Variants in CDH12 observed in about 807,000 individuals in gnomAD.
CDH12 encodes the protein cadherin-12.
A neutral mutation model predicts 74.1 loss-of-function variants in CDH12; 41 were observed. The ratio of observed to expected loss-of-function variants is 0.55; its 90% CI spans 0.43 to 0.72. The LOEUF (loss-of-function observed/expected upper bound fraction) is 0.72. Among genes scored for constraint, CDH12 ranks in the 30% least tolerant of loss-of-function variants. The probability of loss-of-function intolerance (pLI) is 0.00; values close to 1 mark genes in which losing one functional copy is unlikely to be tolerated. For synonymous variants in CDH12, 399 were observed against 355.0 expected (o/e 1.12, Z -1.39); for missense variants, 945 against 977.2 (o/e 0.97, Z 0.44).
Position 22,079,899 on chromosome 5 carries a change from GA to G in CDH12, c.-186-1038del, listed in dbSNP as rs35956037. 5.8e-4 allele frequency among the ~76,000 whole-genome samples: 84 copies of G among 145,752 alleles called. No homozygotes were observed. The East Asian group carries it at 6.7e-3, about 12-fold the overall frequency. On this transcript the variant is annotated intron_variant, in intron 4 of 14. Coordinates refer to ENST00000382254, the MANE Select transcript of CDH12 (RefSeq NM_004061.5). ...TAACTGAGGGCAGATTATGCAAATGGAAAAAAAAAAAGCAAACAAGAATATC... is the reference window on the plus strand; with the variant it reads ...TAACTGAGGGCAGATTATGCAAATGGAAAAAAAAAAGCAAACAAGAATATC...
intron 2 of CDH12, among the ~76,000 whole-genome samples, chr5:22,410,510 T>C (rs1178156179): frequency 2.0e-5 from 3 of 152,130 alleles, no homozygotes; most frequent in Non-Finnish European, 4.4e-5. Flanking sequence ...TCATATCCTT[T>C]CTGTCCAATC....
rs185874985 is a variant in CDH12 at position 21,967,852 on chromosome 5, C to T, written c.526+7239G>A. On this transcript the variant is annotated intron_variant, in intron 6 of 14. Coordinates refer to ENST00000382254, the MANE Select transcript of CDH12 (RefSeq NM_004061.5). ...GCCAAACTGCGTGCAGTGGACACTT[C>T]ACGGCTGGCACAGGAGAGATCACAA... 3.5e-3 allele frequency among the ~76,000 whole-genome samples: 537 copies of T among 152,258 alleles called. 4 individuals carry two copies. Among genetic ancestry groups the T allele is most frequent in the African/African-American group, 0.012 (500 of 41,552 alleles).
chr5:22,550,410 C>T (rs1485812717), intron 1 of CDH12, among the ~76,000 whole-genome samples: 1 of 152,176 alleles, frequency 6.6e-6, no homozygotes, highest in Non-Finnish European at 1.5e-5. Flanking sequence ...TATTTTCCCA[C>T]AGAAACCTAT....
chr5:22,728,070 G>A (rs1462680266), intron 1 of CDH12, among the ~76,000 whole-genome samples: 1 of 151,602 alleles, frequency 6.6e-6, no homozygotes, highest in African/African-American at 2.4e-5. Context: ...AATTAAATAT[G>A]TTATCTCTTC....
intron 1 of CDH12, among the ~76,000 whole-genome samples, chr5:22,823,851 C>T (rs1393687293): frequency 6.6e-6 from 1 of 152,118 alleles, no homozygotes; most frequent in Non-Finnish European, 1.5e-5. Context: ...TCTGATGCTT[C>T]CCCAGCCTTG....
Position 22,433,087 on chromosome 5 carries a change from G to A in CDH12, c.-427-27736C>T, listed in dbSNP as rs147657950. On this transcript the variant is annotated intron_variant, in intron 2 of 14. Coordinates refer to ENST00000382254, the MANE Select transcript of CDH12 (RefSeq NM_004061.5). ...CCTTGGCAAACCCTCCCTCTTTAAT[G>A]TGAAACCATGGGACCCAGAGTAGGA... is the stretch of plus-strand genomic sequence containing the variant. Among the ~76,000 whole-genome samples the A allele has an allele frequency of 2.2e-4, 34 of 152,206 alleles. No individual in the cohort carries two copies. In the East Asian group the frequency reaches 6.2e-3, roughly 28 times the overall value.
At chr5:22,457,107 G>A (rs769782226) in intron 2 of CDH12, among the ~76,000 whole-genome samples, 2 of 152,096 alleles carry the variant, frequency 1.3e-5, no homozygotes, top group African/African-American at 4.8e-5. Context: ...GAGTCTGAGT[G>A]GAATTCAGAT....
intron 1 of CDH12, among the ~76,000 whole-genome samples, chr5:22,800,225 G>A (rs1748440682): frequency 6.6e-6 from 1 of 152,064 alleles, no homozygotes; most frequent in South Asian, 2.1e-4. Context: ...CTAGTGTGGG[G>A]CTATTACAGC....
chr5:22,583,936 C>T (rs1358740272), intron 1 of CDH12, among the ~76,000 whole-genome samples: 1 of 151,978 alleles, frequency 6.6e-6, no homozygotes, highest in Non-Finnish European at 1.5e-5. Flanking sequence ...TCTTCCCAAT[C>T]AGAATTGCCT....
chr5:22,454,657 T>C (rs1049286480), intron 2 of CDH12, among the ~76,000 whole-genome samples: 5 of 152,106 alleles, frequency 3.3e-5, no homozygotes, highest in African/African-American at 1.2e-4. Flanking sequence ...GTATTTTTAG[T>C]AGGTACGGGG....
intron 6 of CDH12, 148 bp downstream of exon 6, chr5:21,974,943 A>T: frequency 1.6e-6 from 1 of 629,194 alleles, no homozygotes; most frequent in Non-Finnish European, 2.7e-6. Flanking sequence ...AAAACAAAAA[A>T]GTTACAAAAA....
intron 5 of CDH12, among the ~76,000 whole-genome samples, chr5:22,070,161 T>C (rs1741849350): frequency 1.3e-5 from 2 of 152,318 alleles, no homozygotes; most frequent in African/African-American, 2.4e-5. Flanking sequence ...CTTGATATCA[T>C]GGTATTTAAA....
In CDH12 at chr5:22,813,873, T is replaced by C. The variant is rs1749264684; in HGVS notation, c.-523+39185A>G. ...CACCAATATCTTGATTGCAGCTTTC[T>C]GACACTCTGCAGCAAAGGACCCAGC... is the stretch of plus-strand genomic sequence containing the variant. On this transcript the variant is annotated intron_variant, in intron 1 of 14. Transcript: ENST00000382254. 3.3e-5 allele frequency among the ~76,000 whole-genome samples: 5 copies of C among 152,168 alleles called. No homozygotes were observed. In the South Asian group the frequency reaches 1.0e-3, roughly 32 times the overall value.
intron 2 of CDH12, among the ~76,000 whole-genome samples, chr5:22,483,532 C>T (rs1746463497): frequency 6.7e-6 from 1 of 150,340 alleles, no homozygotes; most frequent in South Asian, 2.1e-4. Context: ...TACTCTAAGA[C>T]CATGTAGTGA....
chr5:21,806,211 T>C (rs1747417961), intron 9 of CDH12, among the ~76,000 whole-genome samples: 2 of 152,182 alleles, frequency 1.3e-5, no homozygotes, highest in Admixed American at 6.5e-5. Context: ...TGATGTATTT[T>C]GAAATGTCTG....
intron 5 of CDH12, among the ~76,000 whole-genome samples, chr5:22,053,734 T>C (rs915491465): frequency 1.5e-4 from 23 of 152,246 alleles, no homozygotes; most frequent in African/African-American, 5.3e-4. Context: ...AAACACTCGA[T>C]GATAGGTGTA....
chr5:21,935,700 A>C (rs1236316917), intron 6 of CDH12, among the ~76,000 whole-genome samples: 7 of 152,116 alleles, frequency 4.6e-5, no homozygotes, highest in Non-Finnish European at 1.0e-4. Flanking sequence ...ATTCTTTCTA[A>C]CTATGTTTTT....
intron 1 of CDH12, among the ~76,000 whole-genome samples, chr5:22,537,886 G>A (rs936483753): frequency 2.6e-5 from 4 of 152,220 alleles, no homozygotes; most frequent in African/African-American, 9.6e-5. Context: ...GGCTGTGAAT[G>A]ATTGCTGTGT....
intron 4 of CDH12, among the ~76,000 whole-genome samples, chr5:22,099,014 C>T (rs1743976800): frequency 6.6e-6 from 1 of 152,084 alleles, no homozygotes. Context: ...GGCCCCCTCC[C>T]TTCCCTACAC....
Sources: gnomAD v4.1 joint callset for allele counts (sites outside exome capture counted in the v4.1 genomes callset) on GRCh38, gnomAD v4.1.1 for gene constraint, MANE v1.5 for transcripts, NCBI Gene and HGNC (gene_info 2026-07-23, HGNC 2026-07-21) for gene names.